The following MAP7D2 variants were observed in gnomAD, a reference collection of about 807,000 sequenced individuals.
The protein encoded by MAP7D2 is MAP7 domain containing 2.
MAP7D2 carries 33 observed loss-of-function variants against 63.5 expected under a neutral mutation model. The observed-to-expected ratio is 0.52, with a 90% CI of 0.39 to 0.70. The LOEUF (loss-of-function observed/expected upper bound fraction) is 0.70. MAP7D2 is among the 30% of genes least tolerant of loss of function. The pLI, the probability that MAP7D2 is intolerant of heterozygous loss-of-function variation, is 0.00. For missense variants in MAP7D2, 626 were observed against 604.0 expected (o/e 1.04, Z -0.38); for synonymous variants, 224 against 223.7 (o/e 1.00, Z -0.01).
intron 10 of MAP7D2, among the ~76,000 whole-genome samples, chrX:20,020,045 G>A (rs1264507039): frequency 8.9e-6 from 1 of 111,807 alleles, no homozygotes; most frequent in Non-Finnish European, 1.9e-5. Flanking sequence ...CTCAATCTTC[G>A]TCATCTTCCT....
At chrX:20,088,474 T>TG (rs2148478204) in intron 1 of MAP7D2, among the ~76,000 whole-genome samples, 2 of 26,476 alleles carry the variant, frequency 7.6e-5, no homozygotes, top group East Asian at 1.5e-3. Context: ...TTCAGTTTTT[T>TG]TTTTTTTTTT....
At chrX:20,025,106 A>G (rs1238653679) in intron 9 of MAP7D2, 23 bp from the exon 10 acceptor site, 10 of 1,186,084 alleles carry the variant, frequency 8.4e-6, no homozygotes, top group African/African-American at 1.8e-5. Flanking sequence ...AGAGGCATCA[A>G]GAGGAAAAGA....
intron 8 of MAP7D2, among the ~76,000 whole-genome samples, chrX:20,041,813 G>C (rs1366366335): frequency 8.9e-6 from 1 of 111,876 alleles, no homozygotes; most frequent in Admixed American, 9.5e-5. Flanking sequence ...TGGTCACAAA[G>C]TTATTGTAAA....
At chrX:20,038,639 G>A (rs749205847) in intron 8 of MAP7D2, among the ~76,000 whole-genome samples, 1 of 111,366 alleles carries the variant, frequency 9.0e-6, no homozygotes, top group South Asian at 3.8e-4. Context: ...TGACCCATTA[G>A]CAAAATTTTT....
chrX:20,015,264 T>G lies in MAP7D2; in HGVS notation c.1708A>C (p.Ile570Leu). ...CTCTCCTGCTCAATCTGCAGCATAA[T>G]CTGTTCTCTCTCGAGACGCATCTGT... ...AEQMRLEREQIMLQIEQERLE... is the reference protein window; with the variant it reads ...AEQMRLEREQLMLQIEQERLE... Residue 570 changes from isoleucine to leucine, a missense_variant, in exon 12 of 17, where the codon ATT becomes CTT. Physicochemically the swap from Ile to Leu is conservative, Grantham distance 5. Transcript: ENST00000379643. The G allele has an allele frequency of 8.3e-7, 1 of 1,211,152 alleles. No individual in the cohort carries two copies.
At chrX:20,045,420 T>C (rs2064768912) in intron 6 of MAP7D2, among the ~76,000 whole-genome samples, 1 of 104,879 alleles carries the variant, frequency 9.5e-6, no homozygotes, top group African/African-American at 3.5e-5. Flanking sequence ...CCAACTACTC[T>C]GGAGGCTGAG....
chrX:20,010,153 C>G (rs2073141216), intron 16 of MAP7D2, among the ~76,000 whole-genome samples: 1 of 112,198 alleles, frequency 8.9e-6, no homozygotes, highest in Admixed American at 9.4e-5. Context: ...GTATACCTTA[C>G]TACAGAGTGT....
chrX:20,098,923 T>C (rs1405644082), intron 1 of MAP7D2, among the ~76,000 whole-genome samples: 1 of 112,697 alleles, frequency 8.9e-6, no homozygotes, highest in Non-Finnish European at 1.9e-5. Flanking sequence ...GTTCAGGCTG[T>C]CCCAACCCTC....
At chrX:20,091,114 G>A (rs1159748007) in intron 1 of MAP7D2, among the ~76,000 whole-genome samples, 2 of 103,458 alleles carry the variant, frequency 1.9e-5, no homozygotes, top group Non-Finnish European at 4.0e-5. Context: ...GTGCAGTGGC[G>A]CGATCTCAGC....
intron 1 of MAP7D2, among the ~76,000 whole-genome samples, chrX:20,074,689 T>G (rs763107616): frequency 9.0e-6 from 1 of 111,637 alleles, no homozygotes; most frequent in South Asian, 3.7e-4. Flanking sequence ...GCAACCTAAT[T>G]TTTCTTCAAA....
At chrX:20,027,534 C>T (rs763853491) in intron 8 of MAP7D2, among the ~76,000 whole-genome samples, 3 of 110,895 alleles carry the variant, frequency 2.7e-5, no homozygotes, top group Non-Finnish European at 5.7e-5. Context: ...TTAGCAGCAT[C>T]CCTGGCCTCC....
intron 10 of MAP7D2, among the ~76,000 whole-genome samples, 154 bp from the exon 11 acceptor site, chrX:20,016,479 T>C (rs926710834): frequency 8.9e-6 from 1 of 112,452 alleles, no homozygotes; most frequent in Non-Finnish European, 1.9e-5. Context: ...TCATCCTTCC[T>C]GGAAATCCAC....
At chrX:20,073,592 C>CA (rs1200551576) in intron 1 of MAP7D2, among the ~76,000 whole-genome samples, 1 of 103,619 alleles carries the variant, frequency 9.7e-6, no homozygotes, top group Non-Finnish European at 2.0e-5. Context: ...TGCAGTGGCA[C>CA]AATCTTGGCT....
chrX:20,060,209 G>C (rs1178368451), intron 3 of MAP7D2, among the ~76,000 whole-genome samples: 3 of 109,012 alleles, frequency 2.8e-5, no homozygotes, highest in African/African-American at 1.0e-4. Context: ...TAGTAGAGAT[G>C]GGTTTTCACC....
At chrX:20,104,395 G>C (rs1386603008) in intron 1 of MAP7D2, among the ~76,000 whole-genome samples, 2 of 112,667 alleles carry the variant, frequency 1.8e-5, no homozygotes, top group African/African-American at 6.5e-5. Flanking sequence ...CTGCCTCCCA[G>C]GTTCAAGCAA....
intron 8 of MAP7D2, among the ~76,000 whole-genome samples, chrX:20,033,918 G>C (rs1463601663): frequency 8.9e-6 from 1 of 111,735 alleles, no homozygotes; most frequent in African/African-American, 3.3e-5. Flanking sequence ...TACAAAACTT[G>C]TAAGGTATAA....
chrX:20,067,039 T>C (rs751500404), intron 1 of MAP7D2, among the ~76,000 whole-genome samples: 8 of 111,874 alleles, frequency 7.2e-5, no homozygotes, highest in African/African-American at 2.3e-4. Context: ...ACCTCAAGAG[T>C]CTGATTAATA....
intron 1 of MAP7D2, among the ~76,000 whole-genome samples, chrX:20,113,491 G>A (rs925925475): frequency 9.8e-5 from 11 of 111,702 alleles, no homozygotes; most frequent in Non-Finnish European, 1.5e-4. Context: ...TGATCCGCCC[G>A]CCTCGGCCTC....
At chrX:20,040,164 G>A (rs916087312) in intron 8 of MAP7D2, among the ~76,000 whole-genome samples, 2 of 111,153 alleles carry the variant, frequency 1.8e-5, no homozygotes, top group Non-Finnish European at 3.8e-5. Context: ...CAGACTAAAG[G>A]CTGCACTGTC....
Sources: gnomAD v4.1 joint callset for allele counts (sites outside exome capture counted in the v4.1 genomes callset) on GRCh38, gnomAD v4.1.1 for gene constraint, MANE v1.5 for transcripts, NCBI Gene and HGNC (gene_info 2026-07-23, HGNC 2026-07-21) for gene names.